SVOPL: variants seen among roughly 807,000 people sequenced by gnomAD.
The protein encoded by SVOPL is SVOP like, also known as putative transporter SVOPL.
In SVOPL, 60 loss-of-function variants were observed where a neutral mutation model predicts 61.0. That is an observed-to-expected ratio of 0.98 (90% CI 0.80 to 1.22). The LOEUF (loss-of-function observed/expected upper bound fraction) is 1.22, where lower values mean the gene tolerates loss of function less well. Ranked by LOEUF, SVOPL falls within the 50% of genes most tolerant of loss-of-function variation. SVOPL has a pLI of 0.00. For missense variants in SVOPL, 662 were observed against 643.9 expected, an observed-to-expected ratio of 1.03 and a Z score of -0.30; for synonymous variants, 279 against 250.0, an observed-to-expected ratio of 1.12 and a Z score of -1.09.
chr7:138,603,915 C>T (rs1211352355), intron 14 of SVOPL, among the ~76,000 whole-genome samples: 1 of 150,366 alleles, frequency 6.7e-6, no homozygotes, highest in African/African-American at 2.5e-5. Flanking sequence ...TTCGATAAAC[C>T]TTTACAAAAT....
chr7:138,641,813 G>GA (rs1800799961), intron 9 of SVOPL, among the ~76,000 whole-genome samples: 15 of 21,856 alleles, frequency 6.9e-4, no homozygotes, highest in African/African-American at 1.6e-3. Flanking sequence ...ATATATATAT[G>GA]TTATATATAT....
chr7:138,607,638 C>T (rs1798815672), intron 14 of SVOPL, among the ~76,000 whole-genome samples: 1 of 152,106 alleles, frequency 6.6e-6, no homozygotes. Context: ...TGGCTGCAGC[C>T]AGCTTGGAGG....
intron 13 of SVOPL, among the ~76,000 whole-genome samples, chr7:138,621,918 G>GTATCTATGTATT (rs1799605060): frequency 5.4e-5 from 1 of 18,548 alleles, no homozygotes; most frequent in African/African-American, 1.4e-4. Flanking sequence ...ATCTATCTAT[G>GTATCTATGTATT]TATCTATCTA....
At chr7:138,698,176 G>GAAGGGAGGGGA (rs1179332677) in intron 1 of SVOPL, among the ~76,000 whole-genome samples, 11 of 53,714 alleles carry the variant, frequency 2.0e-4, no homozygotes, top group African/African-American at 1.9e-3. Flanking sequence ...GAAGGAGGGG[G>GAAGGGAGGGGA]AAGGAAGAAA....
chr7:138,603,036 AACAC>A (rs1798596807), intron 14 of SVOPL, among the ~76,000 whole-genome samples: 1 of 152,262 alleles, frequency 6.6e-6, no homozygotes. Flanking sequence ...ATGTATATAA[AACAC>A]ACATCTATAT....
At chr7:138,613,450 C>T (rs1010525554) in intron 14 of SVOPL, among the ~76,000 whole-genome samples, 1 of 152,190 alleles carries the variant, frequency 6.6e-6, no homozygotes, top group Non-Finnish European at 1.5e-5. Flanking sequence ...TCTGCCCCTG[C>T]ACTTCTCTCC....
intron 13 of SVOPL, among the ~76,000 whole-genome samples, chr7:138,624,424 T>G (rs954734786): frequency 6.6e-6 from 1 of 152,212 alleles, no homozygotes; most frequent in Non-Finnish European, 1.5e-5. Flanking sequence ...TGGATCTGCC[T>G]TGTTCTCCAT....
intron 14 of SVOPL, among the ~76,000 whole-genome samples, chr7:138,609,459 C>A (rs564331156): frequency 1.5e-3 from 216 of 147,552 alleles, no homozygotes; most frequent in African/African-American, 4.4e-3. Flanking sequence ...CAGCCTCCAA[C>A]CTGGGCAACA....
At chr7:138,594,655 AC>A in intron 15 of SVOPL, 34 bp from the exon 16 acceptor site, 2 of 1,534,784 alleles carry the variant, frequency 1.3e-6, no homozygotes, top group Non-Finnish European at 1.8e-6. Context: ...TCAGTAATAG[AC>A]TTTTTAAAAG....
At chr7:138,616,687 A>G (rs748453268) in intron 14 of SVOPL, among the ~76,000 whole-genome samples, 3 of 152,120 alleles carry the variant, frequency 2.0e-5, no homozygotes, top group Non-Finnish European at 4.4e-5. Flanking sequence ...GTTTTCTTGG[A>G]CTACATACTC....
At chr7:138,663,464 A>C (rs1802097818) in intron 4 of SVOPL, 2 of 1,192,116 alleles carry the variant, frequency 1.7e-6, no homozygotes, top group Admixed American at 7.9e-5. Flanking sequence ...GTAATTTTTA[A>C]AATTGTCTGT....
intron 14 of SVOPL, among the ~76,000 whole-genome samples, chr7:138,600,945 G>A (rs1045800980): frequency 6.6e-6 from 1 of 152,224 alleles, no homozygotes; most frequent in Middle Eastern, 3.4e-3. Flanking sequence ...CAATCCCTCT[G>A]CTGGATACAC....
At chr7:138,640,724 G>A (rs903637009) in intron 9 of SVOPL, among the ~76,000 whole-genome samples, 1 of 152,080 alleles carries the variant, frequency 6.6e-6, no homozygotes, top group Non-Finnish European at 1.5e-5. Context: ...GGGTACTCAT[G>A]GACATAAAGA....
chr7:138,628,330 G>T lies in SVOPL; in HGVS notation c.897C>A (p.Ile299=), dbSNP rs752902462. 3.1e-6 allele frequency: 5 copies of T among 1,614,120 alleles called. No individual in the cohort carries two copies. The highest frequency in any genetic ancestry group is 4.2e-6 in the Non-Finnish European group (5 of 1,180,030). ...LGISFAYYGV[I]LASAELLERD... ...GCTCCAGCAGCTCAGCACTGGCCAGGATAACCCCATAGTAGGCAAAAGAGA... is the reference window on the plus strand; with the variant it reads ...GCTCCAGCAGCTCAGCACTGGCCAGTATAACCCCATAGTAGGCAAAAGAGA... Residue 299 remains isoleucine, a synonymous_variant, in exon 11 of 16, where the codon ATC becomes ATA. Coordinates refer to ENST00000674285, the MANE Select transcript of SVOPL (RefSeq NM_001139456.2).
At chr7:138,622,240 AT>A (rs1799686422) in intron 13 of SVOPL, among the ~76,000 whole-genome samples, 4 of 132,454 alleles carry the variant, frequency 3.0e-5, no homozygotes, top group African/African-American at 1.2e-4. Context: ...CTATGTATCT[AT>A]CTATCTATCT....
chr7:138,694,970 C>G (rs1361615847), intron 1 of SVOPL, among the ~76,000 whole-genome samples: 4 of 152,122 alleles, frequency 2.6e-5, no homozygotes, highest in Non-Finnish European at 5.9e-5. Context: ...AACTCCTGAC[C>G]TCTGGTGATC....
rs767095884 is a variant in SVOPL at position 138,644,845 on chromosome 7, AC to A, written c.661-1del. On this transcript the variant is annotated splice_acceptor_variant, in intron 8 of 15. Transcript: ENST00000674285. LOFTEE classifies it high-confidence loss of function. ...TTGAACCGGGCAGATTCAGGAATAA[AC>A]TGGGTAGAGATTACAAAGAACATCA... 2.0e-5 allele frequency: 33 copies of A among 1,614,006 alleles called. No individual in the cohort carries two copies. In the Middle Eastern group the frequency reaches 1.6e-3, roughly 80 times the overall value.
intron 14 of SVOPL, among the ~76,000 whole-genome samples, chr7:138,611,340 T>G (rs886553062): frequency 6.6e-6 from 1 of 152,124 alleles, no homozygotes; most frequent in Non-Finnish European, 1.5e-5. Flanking sequence ...ATCGCACCAT[T>G]GCACTCCAGC....
chr7:138,641,229 TAAAA>T (rs5887892), intron 9 of SVOPL, among the ~76,000 whole-genome samples: 5 of 130,730 alleles, frequency 3.8e-5, no homozygotes, highest in East Asian at 4.5e-4. Context: ...CTGAAATTAT[TAAAA>T]AAAAAAAAAA....
Sources: allele counts gnomAD v4.1 joint callset (sites outside exome capture counted in the v4.1 genomes callset), GRCh38; gene constraint gnomAD v4.1.1; transcripts MANE v1.5; gene names NCBI Gene and HGNC (gene_info 2026-07-23, HGNC 2026-07-21).